The following C19orf44 variants were observed in gnomAD, a reference collection of about 807,000 sequenced individuals.
C19orf44 encodes chromosome 19 open reading frame 44.
C19orf44 carries 43 observed loss-of-function variants against 50.7 expected under a neutral mutation model. The ratio of observed to expected loss-of-function variants is 0.85; its 90% CI spans 0.66 to 1.09. C19orf44 has a LOEUF of 1.09. Ranked by LOEUF, C19orf44 falls within the 50% of genes least tolerant of loss-of-function variation. The probability of loss-of-function intolerance (pLI) is 0.00; values close to 1 mark genes in which losing one functional copy is unlikely to be tolerated. For missense variants in C19orf44, 722 were observed against 836.2 expected, an observed-to-expected ratio of 0.86 and a Z score of 1.68; for synonymous variants, 298 against 334.7, an observed-to-expected ratio of 0.89 and a Z score of 1.20.
chr19:16,519,088 C>T lies in C19orf44; in HGVS notation c.*41-1006C>T. On this transcript the variant is annotated intron_variant, in intron 8 of 8. Coordinates refer to ENST00000221671, the MANE Select transcript of C19orf44 (RefSeq NM_032207.4). This position sits in a 1 kb window ranked among gnomAD's most constrained non-coding sequence, Gnocchi z 6.0. ...GAACTGAGCTGTCACTGCAATCTTC[C>T]TCTGCCAGTCAGCCAGGAAGGTCCC... The T allele has an allele frequency of 7.2e-7, 1 of 1,388,820 alleles. No individual in the cohort carries two copies. The highest frequency in any genetic ancestry group is 9.9e-7 in the Non-Finnish European group (1 of 1,007,144). 86.0% of individuals were successfully genotyped at this position (1,388,820 alleles called of 1,614,324 possible).
chr19:16,497,315 G>C (rs1000171286), intron 1 of C19orf44, among the ~76,000 whole-genome samples: 4 of 149,976 alleles, frequency 2.7e-5, no homozygotes, highest in African/African-American at 9.8e-5. Context: ...GATAGGGTGT[G>C]TGGAGTTTAG....
intron 3 of C19orf44, among the ~76,000 whole-genome samples, chr19:16,506,127 C>T (rs149707087): frequency 0.012 from 1,850 of 152,156 alleles, 87 homozygotes; most frequent in Admixed American, 0.078. Flanking sequence ...AGGCACCCGC[C>T]ACCACGCCTG....
At position 16,519,882 on chromosome 19, in the gene C19orf44, G is replaced by A. The variant is rs1383438829; in HGVS notation, c.*41-212G>A. ...CGTTTATCCTGTCTCAGCTAGATAA[G>A]GGGGCTCCAGACGCTGGCCCCCACC... On this transcript the variant is annotated intron_variant, in intron 8 of 8. Coordinates refer to ENST00000221671, the MANE Select transcript of C19orf44 (RefSeq NM_032207.4). This position sits in a 1 kb window ranked among gnomAD's most constrained non-coding sequence, Gnocchi z 6.0. The A allele has an allele frequency of 1.0e-5, 7 of 695,102 alleles. No individual in the cohort carries two copies. Among genetic ancestry groups the A allele is most frequent in the Admixed American group, 7.1e-5 (3 of 42,074 alleles). The allele number at this position is 695,102 out of a possible 1,614,324, so 43.1% of individuals were successfully genotyped here.
At position 16,520,559 on chromosome 19, in the gene C19orf44, G is replaced by A; in HGVS notation, c.*506G>A. On this transcript the variant is annotated 3_prime_UTR_variant, in exon 9 of 9. Transcript: ENST00000221671. The surrounding 1 kb of genome is among the most constrained non-coding windows in gnomAD (Gnocchi z 4.0). ...TGCCCCAGTGGATGGGCTGCACCCA[G>A]CCCACCCTGGCCCTCAGGTTCCTAG... is the stretch of plus-strand genomic sequence containing the variant. 6.4e-7 allele frequency: 1 copy of A among 1,568,608 alleles called. No homozygotes were observed. The highest frequency in any genetic ancestry group is 8.6e-7 in the Non-Finnish European group (1 of 1,156,500).
At chr19:16,512,117 A>C (rs775634569) in intron 5 of C19orf44, among the ~76,000 whole-genome samples, 5 of 150,668 alleles carry the variant, frequency 3.3e-5, no homozygotes, top group Non-Finnish European at 4.4e-5. Context: ...GCCCCCCAGG[A>C]GAGGGTGAGT....
chr19:16,510,975 A>G (rs757353503), intron 5 of C19orf44, among the ~76,000 whole-genome samples: 2 of 151,556 alleles, frequency 1.3e-5, no homozygotes, highest in Non-Finnish European at 2.9e-5. Flanking sequence ...GGCTCAAGCA[A>G]TCTGTCAGCC....
Position 16,521,321 on chromosome 19 carries a change from ATG to A in C19orf44, c.*1272_*1273del. The A allele has an allele frequency of 5.2e-6, 3 of 582,062 alleles. No individual in the cohort carries two copies. Among genetic ancestry groups the A allele is most frequent in the Non-Finnish European group, 9.0e-6 (3 of 332,124 alleles). The allele number at this position is 582,062 out of a possible 1,614,324, so 36.1% of individuals were successfully genotyped here. A position where few individuals can be genotyped will look rare whatever the true frequency, so the allele number is the denominator to read the frequency against. ...GCCACACCTTCCCTAACTTCTTCTGATGTGTCTCCATTAAAACGCCCTTCATT... is the reference window on the plus strand; with the variant it reads ...GCCACACCTTCCCTAACTTCTTCTGATGTCTCCATTAAAACGCCCTTCATT... On this transcript the variant is annotated 3_prime_UTR_variant, in exon 9 of 9. Transcript: ENST00000221671.
At chr19:16,514,412 C>A in intron 6 of C19orf44, 85 bp from the exon 7 acceptor site, 2 of 1,344,738 alleles carry the variant, frequency 1.5e-6, no homozygotes, top group Admixed American at 2.6e-5. Context: ...TTTCAGAGAG[C>A]AGCCTGGCAC....
At chr19:16,512,010 G>A (rs2093458549) in intron 5 of C19orf44, among the ~76,000 whole-genome samples, 1 of 103,930 alleles carries the variant, frequency 9.6e-6, no homozygotes, top group African/African-American at 3.9e-5. Flanking sequence ...GTGAGACTCT[G>A]TCTCAAAAAA....
chr19:16,501,746 C>T (rs536999155), intron 2 of C19orf44, among the ~76,000 whole-genome samples, 195 bp downstream of exon 2: 10 of 151,366 alleles, frequency 6.6e-5, no homozygotes, highest in Admixed American at 1.3e-4. Flanking sequence ...CATGCACCAC[C>T]ACGCCCAGCT....
Position 16,519,571 on chromosome 19 carries a change from C to T in C19orf44, c.*41-523C>T. 1 of 1,520,836 alleles carries T rather than the reference C, an allele frequency of 6.6e-7. No individual in the cohort carries two copies. The allele number at this position is 1,520,836 out of a possible 1,614,324, so 94.2% of individuals were successfully genotyped here. A position where few individuals can be genotyped will look rare whatever the true frequency, so the allele number is the denominator to read the frequency against. ...GAGAAAGCGCTGGTGACTCCCGGGC[C>T]CAGCACGCGTGAGGACCCATCCCGC... On this transcript the variant is annotated intron_variant, in intron 8 of 8. Coordinates refer to ENST00000221671, the MANE Select transcript of C19orf44 (RefSeq NM_032207.4). This position sits in a 1 kb window ranked among gnomAD's most constrained non-coding sequence, Gnocchi z 6.0.
intron 8 of C19orf44, among the ~76,000 whole-genome samples, chr19:16,517,568 G>A (rs1485703933): frequency 6.6e-6 from 1 of 152,206 alleles, no homozygotes; most frequent in Non-Finnish European, 1.5e-5. Context: ...TCTCCCAGCA[G>A]CATGCCCAGC....
chr19:16,504,122 G>GGAATTGGAGGCTGCGGTGAGCTAT (rs2093433327), intron 3 of C19orf44, among the ~76,000 whole-genome samples: 1 of 152,138 alleles, frequency 6.6e-6, no homozygotes, highest in Non-Finnish European at 1.5e-5. Flanking sequence ...AGCCTGCCTG[G>GGAATTGGAGGCTGCGGTGAGCTAT]GAATTGGAGG....
chr19:16,498,245 A>G lies in C19orf44; in HGVS notation c.-2+1780A>G, dbSNP rs184243420. 9.8e-5 allele frequency among the ~76,000 whole-genome samples: 15 copies of G among 152,330 alleles called. No homozygotes were observed. The East Asian group carries it at 1.9e-3, about 20-fold the overall frequency. ...AACTGTTTTCCACATTGAGGACTAC[A>G]TAATTTTACAATTCCCCCAACAACA... On this transcript the variant is annotated intron_variant, in intron 1 of 8. Coordinates refer to ENST00000221671, the MANE Select transcript of C19orf44 (RefSeq NM_032207.4).
rs1252350670 is a variant in C19orf44 at position 16,519,742 on chromosome 19, T to C, written c.*41-352T>C. On this transcript the variant is annotated intron_variant, in intron 8 of 8. Coordinates refer to ENST00000221671, the MANE Select transcript of C19orf44 (RefSeq NM_032207.4). This position sits in a 1 kb window ranked among gnomAD's most constrained non-coding sequence, Gnocchi z 6.0. Reference sequence around the variant, plus strand: ...TAAAATCGAGACAGGTTATTCTTTTTAAGAAGTAACTGAGACATTTATTGG... The same window carrying C: ...TAAAATCGAGACAGGTTATTCTTTTCAAGAAGTAACTGAGACATTTATTGG... 1.1e-5 allele frequency: 17 copies of C among 1,572,984 alleles called. No individual in the cohort carries two copies. In the Admixed American group the frequency reaches 2.8e-4, roughly 26 times the overall value.
intron 1 of C19orf44, 41 bp from the exon 2 acceptor site, chr19:16,500,751 A>C: frequency 6.6e-7 from 1 of 1,521,832 alleles, no homozygotes; most frequent in Middle Eastern, 1.9e-4. Flanking sequence ...CAATACAAAC[A>C]GCAGGTACTC....
In C19orf44 at chr19:16,520,460, G is replaced by T. The variant is rs1182105494; in HGVS notation, c.*407G>T. 1.2e-6 allele frequency: 2 copies of T among 1,614,096 alleles called. No homozygotes were observed. Among genetic ancestry groups the T allele is most frequent in the Non-Finnish European group, 1.7e-6 (2 of 1,180,024 alleles). Reference sequence around the variant, plus strand: ...GGAGGATCTTGAGTTGGAGCGGGAGGAAGAACGCCCTCGACTCTTGGATCT... The same window carrying T: ...GGAGGATCTTGAGTTGGAGCGGGAGTAAGAACGCCCTCGACTCTTGGATCT... On this transcript the variant is annotated 3_prime_UTR_variant, in exon 9 of 9. Transcript: ENST00000221671. The surrounding 1 kb of genome is among the most constrained non-coding windows in gnomAD (Gnocchi z 4.0).
At position 16,503,146 on chromosome 19, in the gene C19orf44, A is replaced by G. The variant is rs754834760; in HGVS notation, c.841A>G (p.Thr281Ala). The change falls in exon 3 of 9, where the codon ACC becomes GCC. Residue 281 changes from threonine to alanine, a missense_variant. By Grantham distance (58) the Thr-to-Ala change is moderately conservative. Coordinates refer to ENST00000221671, the MANE Select transcript of C19orf44 (RefSeq NM_032207.4). The part of the protein sequence containing the change: ...AKPSQTSHLP[T>A]SLAADRTLHS... ...GCCTTCTCAGACATCACACCTGCCA[A>G]CCTCCCTGGCAGCAGACAGAACCCT... 2 of 1,613,980 alleles carry G rather than the reference A, an allele frequency of 1.2e-6. No homozygotes were observed. Among genetic ancestry groups the G allele is most frequent in the East Asian group, 2.2e-5 (1 of 44,884 alleles).
intron 5 of C19orf44, chr19:16,510,290 C>G (rs1167104686): frequency 2.6e-6 from 1 of 379,474 alleles, no homozygotes; most frequent in Non-Finnish European, 5.0e-6. Context: ...TCCTGTAATC[C>G]CAGCTACTCA....
Sources: gnomAD v4.1 joint callset for allele counts (sites outside exome capture counted in the v4.1 genomes callset) on GRCh38, gnomAD v4.1.1 for gene constraint, Gnocchi (gnomAD v3.1) non-coding constraint, MANE v1.5 for transcripts, NCBI Gene and HGNC (gene_info 2026-07-23, HGNC 2026-07-21) for gene names.